LRRC7: variants seen among roughly 807,000 people sequenced by gnomAD.
LRRC7 encodes leucine rich repeat containing 7.
LRRC7 carries 23 observed loss-of-function variants against 175.7 expected under a neutral mutation model. That is an observed-to-expected ratio of 0.13 (90% CI 0.09 to 0.19). The LOEUF is 0.19. Among genes scored for constraint, LRRC7 ranks in the 10% least tolerant of loss-of-function variants. The probability of loss-of-function intolerance (pLI) is 1.00; values close to 1 mark genes in which losing one functional copy is unlikely to be tolerated. For synonymous variants in LRRC7, 685 were observed against 680.9 expected, an observed-to-expected ratio of 1.01 and a Z score of -0.09; for missense variants, 1,354 against 1,904.7, an observed-to-expected ratio of 0.71 and a Z score of 5.38.
chr1:69,732,613 T>A (rs76229559), intron 2 of LRRC7, among the ~76,000 whole-genome samples: 1 of 151,954 alleles, frequency 6.6e-6, no homozygotes, highest in African/African-American at 2.4e-5. Context: ...TTTAAGTAAA[T>A]ATAATAATAA....
intron 7 of LRRC7, among the ~76,000 whole-genome samples, chr1:69,927,673 A>G (rs1317753959): frequency 1.3e-5 from 2 of 151,978 alleles, no homozygotes; most frequent in African/African-American, 4.8e-5. Context: ...TCCTTTAAGG[A>G]CTTCTCTGTA....
chr1:69,854,640 G>A (rs1185846760), intron 7 of LRRC7, among the ~76,000 whole-genome samples: 1 of 152,080 alleles, frequency 6.6e-6, no homozygotes, highest in Non-Finnish European at 1.5e-5. Context: ...CTCTCATATA[G>A]AATGAAGTTA....
intron 1 of LRRC7, among the ~76,000 whole-genome samples, chr1:69,577,175 GA>G (rs1645988069): frequency 6.6e-6 from 1 of 152,164 alleles, no homozygotes; most frequent in Non-Finnish European, 1.5e-5. Flanking sequence ...GGTACAAGAA[GA>G]AACTACTAGA....
intron 8 of LRRC7, among the ~76,000 whole-genome samples, chr1:69,966,782 C>T (rs1232977139): frequency 2.0e-5 from 3 of 152,282 alleles, no homozygotes; most frequent in South Asian, 2.1e-4. Flanking sequence ...TTTAGAGAGC[C>T]GAGCAAAATA....
chr1:70,069,249 C>T (rs113195907), intron 23 of LRRC7, among the ~76,000 whole-genome samples: 3,870 of 152,128 alleles, frequency 0.025, 190 homozygotes, highest in African/African-American at 0.09. Flanking sequence ...ACAATCATGG[C>T]GGAAGGCAAA....
chr1:69,916,194 T>A (rs1646704616), intron 7 of LRRC7, among the ~76,000 whole-genome samples: 2 of 130,678 alleles, frequency 1.5e-5, no homozygotes, highest in African/African-American at 5.7e-5. Context: ...CATACATATT[T>A]TATATATAAA....
chr1:69,590,444 C>A (rs766986148), intron 1 of LRRC7, among the ~76,000 whole-genome samples: 1 of 152,034 alleles, frequency 6.6e-6, no homozygotes, highest in Non-Finnish European at 1.5e-5. Flanking sequence ...TAGTTGGCAA[C>A]CAGGATCAGC....
chr1:69,786,687 A>G (rs1395413616), intron 3 of LRRC7, among the ~76,000 whole-genome samples: 1 of 152,104 alleles, frequency 6.6e-6, no homozygotes, highest in East Asian at 1.9e-4. Flanking sequence ...AAATCATCAG[A>G]TCTTGTGAGA....
At chr1:69,722,946 T>C (rs1033776886) in intron 2 of LRRC7, among the ~76,000 whole-genome samples, 1 of 152,088 alleles carries the variant, frequency 6.6e-6, no homozygotes, top group Admixed American at 6.6e-5. Context: ...ATTGCAAATA[T>C]TTTCCCCAGC....
chr1:69,737,457 T>A (rs142250080), intron 2 of LRRC7, among the ~76,000 whole-genome samples: 182 of 152,250 alleles, frequency 1.2e-3, no homozygotes, highest in Non-Finnish European at 1.9e-3. Context: ...AATCTCTTTT[T>A]CTTTATAAAT....
At chr1:70,096,825 A>G (rs899195594) in intron 25 of LRRC7, among the ~76,000 whole-genome samples, 4 of 152,200 alleles carry the variant, frequency 2.6e-5, no homozygotes, top group African/African-American at 9.6e-5. Context: ...GAAGGTGTTC[A>G]TTTCTGGGCC....
intron 15 of LRRC7, among the ~76,000 whole-genome samples, chr1:70,020,524 G>A (rs962160512): frequency 6.6e-6 from 1 of 152,012 alleles, no homozygotes; most frequent in African/African-American, 2.4e-5. Flanking sequence ...TTTGTATAGA[G>A]TTTAGCAGTT....
At chr1:69,848,676 G>A (rs999642781) in intron 7 of LRRC7, among the ~76,000 whole-genome samples, 1 of 151,832 alleles carries the variant, frequency 6.6e-6, no homozygotes. Flanking sequence ...CTCAAGTCAG[G>A]GTTATTTCAG....
chr1:69,589,488 G>A (rs1304097203), intron 1 of LRRC7, among the ~76,000 whole-genome samples: 1 of 152,120 alleles, frequency 6.6e-6, no homozygotes, highest in Non-Finnish European at 1.5e-5. Flanking sequence ...TCTGGCCCAT[G>A]TCTGTAGAGA....
intron 11 of LRRC7, among the ~76,000 whole-genome samples, chr1:70,003,051 GT>G (rs1178616625): frequency 6.6e-6 from 1 of 152,162 alleles, no homozygotes; most frequent in Non-Finnish European, 1.5e-5. Flanking sequence ...AAGCTGGGGA[GT>G]CCAAGTTCAA....
At chr1:69,839,355 C>G (rs1681473701) in intron 7 of LRRC7, among the ~76,000 whole-genome samples, 1 of 152,000 alleles carries the variant, frequency 6.6e-6, no homozygotes, top group South Asian at 2.1e-4. Context: ...TAAGAGAAGA[C>G]AAGGAGAGAG....
chr1:69,699,903 G>T (rs1407503190), intron 2 of LRRC7, among the ~76,000 whole-genome samples: 1 of 152,148 alleles, frequency 6.6e-6, no homozygotes. Flanking sequence ...GTTTTCAACT[G>T]CAGGGAATTT....
chr1:69,757,829 T>C (rs1670600628), intron 2 of LRRC7, among the ~76,000 whole-genome samples: 1 of 151,884 alleles, frequency 6.6e-6, no homozygotes, highest in South Asian at 2.1e-4. Flanking sequence ...GTGGATCAGC[T>C]CTATTGCATC....
rs560215371 is a variant in LRRC7 at position 69,960,381 on chromosome 1, T to C, written c.712-19998T>C. On this transcript the variant is annotated intron_variant, in intron 8 of 26. Coordinates refer to ENST00000651989, the MANE Select transcript of LRRC7 (RefSeq NM_001370785.2). The stretch of plus-strand genomic sequence containing the variant: ...ATTTGATTCTTTGCTCTTTTCTTCT[T>C]TATTATTGTAGCTAGAGAGCTATCT... 4.7e-4 allele frequency among the ~76,000 whole-genome samples: 71 copies of C among 152,214 alleles called. No individual in the cohort carries two copies. In the South Asian group the frequency reaches 0.013, roughly 28 times the overall value.
Sources: allele counts gnomAD v4.1 joint callset (sites outside exome capture counted in the v4.1 genomes callset), GRCh38; gene constraint gnomAD v4.1.1; transcripts MANE v1.5; gene names NCBI Gene and HGNC (gene_info 2026-07-23, HGNC 2026-07-21).